LHX6: variants seen among roughly 807,000 people sequenced by gnomAD.
LHX6 encodes LIM homeobox 6.
Under a neutral mutation model 47.1 loss-of-function variants are expected in LHX6, and 15 were observed. That is an observed-to-expected ratio of 0.32 (90% CI 0.21 to 0.49). The LOEUF (loss-of-function observed/expected upper bound fraction) is 0.49, where lower values mean the gene tolerates loss of function less well. Ranked by LOEUF, LHX6 falls within the 20% of genes least tolerant of loss-of-function variation. The pLI is 0.99. For missense variants in LHX6, 404 were observed against 539.6 expected (o/e 0.75, Z 2.49); for synonymous variants, 242 against 233.5 (o/e 1.04, Z -0.33).
intron 9 of LHX6, among the ~76,000 whole-genome samples, chr9:122,207,805 C>T (rs1056451728): frequency 3.3e-5 from 5 of 152,106 alleles, no homozygotes; most frequent in African/African-American, 7.2e-5. Context: ...CCCGGCTGCC[C>T]GTTAGAATCA....
chr9:122,226,337 G>A lies in LHX6; in HGVS notation c.461+39C>T. On this transcript the variant is annotated intron_variant, in intron 4 of 9. Transcript: ENST00000394319. The surrounding 1 kb of genome is among the most constrained non-coding windows in gnomAD (Gnocchi z 6.5). ...TGGCCTCCGAATGCGCCCGGGGCCT[G>A]CCCTCGGCGACACTGCTGGCTCGGC... 6.3e-7 allele frequency: 1 copy of A among 1,591,408 alleles called. No individual in the cohort carries two copies. The highest frequency in any genetic ancestry group is 8.6e-7 in the Non-Finnish European group (1 of 1,167,744).
At chr9:122,218,888 C>T (rs1270566248) in intron 4 of LHX6, among the ~76,000 whole-genome samples, 1 of 152,118 alleles carries the variant, frequency 6.6e-6, no homozygotes, top group African/African-American at 2.4e-5. Context: ...CCCAGAGTCC[C>T]ACGGCACCCT....
In LHX6 at chr9:122,214,530, C is replaced by T; in HGVS notation, c.683-147G>A. ...GGATCCCAGGGTCCTAGTCCCTGAG[C>T]TCAGTCTTTGGGGAAGGGGTTTCTG... On this transcript the variant is annotated intron_variant, in intron 5 of 9. Transcript: ENST00000394319. The surrounding 1 kb of genome is among the most constrained non-coding windows in gnomAD (Gnocchi z 4.6). 8.4e-7 allele frequency: 1 copy of T among 1,190,192 alleles called. No individual in the cohort carries two copies. Among genetic ancestry groups the T allele is most frequent in the Non-Finnish European group, 1.1e-6 (1 of 899,902 alleles). The allele number at this position is 1,190,192 out of a possible 1,614,324, so 73.7% of individuals were successfully genotyped here.
Position 122,226,286 on chromosome 9 carries a change from G to A in LHX6, c.461+90C>T, listed in dbSNP as rs1831093776. ...AGTGCACTCGGGACGCCGGGGTTCTGGAGGAGAGACCACACGCCGCAAAAG... is the reference window on the plus strand; with the variant it reads ...AGTGCACTCGGGACGCCGGGGTTCTAGAGGAGAGACCACACGCCGCAAAAG... On this transcript the variant is annotated intron_variant, in intron 4 of 9. Coordinates refer to ENST00000394319, the MANE Select transcript of LHX6 (RefSeq NM_014368.5). This position sits in a 1 kb window ranked among gnomAD's most constrained non-coding sequence, Gnocchi z 6.5. 1.3e-6 allele frequency: 2 copies of A among 1,484,754 alleles called. No individual in the cohort carries two copies. The highest frequency in any genetic ancestry group is 2.8e-5 in the African/African-American group (2 of 71,212). The allele number at this position is 1,484,754 out of a possible 1,614,324, so 92.0% of individuals were successfully genotyped here.
chr9:122,204,386 T>TG lies in LHX6; in HGVS notation c.*373dup, dbSNP rs1472043227. 4 of 313,438 alleles carry TG rather than the reference T, an allele frequency of 1.3e-5. No individual in the cohort carries two copies. Among genetic ancestry groups the TG allele is most frequent in the Non-Finnish European group, 2.3e-5 (4 of 171,486 alleles). The allele number at this position is 313,438 out of a possible 1,614,324, so 19.4% of individuals were successfully genotyped here. On this transcript the variant is annotated 3_prime_UTR_variant, in exon 10 of 10. Coordinates refer to ENST00000394319, the MANE Select transcript of LHX6 (RefSeq NM_014368.5). ...AGGAAGTAGTAAATAAAGGCCAATG[T>TG]GGGGGAAAAAAACCTGTAAATGAGA...
intron 4 of LHX6, among the ~76,000 whole-genome samples, chr9:122,222,443 G>T (rs1770726934): frequency 6.6e-6 from 1 of 152,182 alleles, no homozygotes. Flanking sequence ...ATCTCAGGGA[G>T]TAAGGGGAGG....
At position 122,227,404 on chromosome 9, in the gene LHX6, C is replaced by T; in HGVS notation, c.156+5G>A. 1 of 1,521,306 alleles carries T rather than the reference C, an allele frequency of 6.6e-7. No individual in the cohort carries two copies. The highest frequency in any genetic ancestry group is 8.8e-7 in the Non-Finnish European group (1 of 1,135,430). The allele number at this position is 1,521,306 out of a possible 1,614,324, so 94.2% of individuals were successfully genotyped here. A position where few individuals can be genotyped will look rare whatever the true frequency, so the allele number is the denominator to read the frequency against. On this transcript the variant is annotated splice_donor_5th_base_variant and intron_variant, in intron 2 of 9. Transcript: ENST00000394319. ...GGCACCGCAGGCAGGGCCAAACGGA[C>T]TCACCATGGCGGGCGGCGCGGTCCC...
chr9:122,209,512 C>T (rs907210873), intron 9 of LHX6, 102 bp downstream of exon 9: 27 of 1,549,884 alleles, frequency 1.7e-5, no homozygotes, highest in African/African-American at 2.7e-5. Context: ...CAGGGTCTGC[C>T]ACAGCGCAGC....
At chr9:122,204,878 C>G in intron 9 of LHX6, 98 bp from the exon 10 acceptor site, 1 of 776,518 alleles carries the variant, frequency 1.3e-6, no homozygotes, top group East Asian at 3.1e-5. Context: ...AGGGTGGACT[C>G]AGGGCCCAGA....
In LHX6 at chr9:122,213,275, C is replaced by T. The variant is rs1439809088; in HGVS notation, c.1054+331G>A. 6.6e-6 allele frequency among the ~76,000 whole-genome samples: 1 copy of T among 152,148 alleles called. No individual in the cohort carries two copies. The highest frequency in any genetic ancestry group is 2.1e-4 in the South Asian group (1 of 4,834). ...TCATCTGCCTATTTTTCCATGCCCA[C>T]CAGAACGCAGGCTCCACAGAGTAGG... is the stretch of plus-strand genomic sequence containing the variant. On this transcript the variant is annotated intron_variant, in intron 8 of 9. Transcript: ENST00000394319. This position sits in a 1 kb window ranked among gnomAD's most constrained non-coding sequence, Gnocchi z 5.5.
At position 122,228,704 on chromosome 9, in the gene LHX6, G is replaced by T; in HGVS notation, c.37C>A (p.Pro13Thr). The part of the protein sequence containing the change: ...WKHENAAPAL[P>T]EGCRLPAEGG... ...TCGGCCGGCAGCCGGCAGCCCTCGG[G>T]CAACGCCGGGGCGGCGTTCTCATGC... The change falls in exon 1 of 10, where the codon CCC becomes ACC. Residue 13 changes from proline (P) to threonine (T), a missense_variant. This residue lies in a region of LHX6 where 144 missense variants were observed against 128.7 expected (regional missense o/e 1.12). Transcript: ENST00000394319. 7.7e-7 allele frequency: 1 copy of T among 1,292,136 alleles called. No individual in the cohort carries two copies. The highest frequency in any genetic ancestry group is 9.8e-7 in the Non-Finnish European group (1 of 1,019,750). The allele number at this position is 1,292,136 out of a possible 1,614,324, so 80.0% of individuals were successfully genotyped here.
chr9:122,227,663 A>G, intron 1 of LHX6, 183 bp from the exon 2 acceptor site: 1 of 1,289,546 alleles, frequency 7.8e-7, no homozygotes, highest in Admixed American at 3.7e-5. Context: ...AGCAATTTGA[A>G]TTTGGATTGG....
chr9:122,224,753 C>A (rs1831020612), intron 4 of LHX6, among the ~76,000 whole-genome samples: 1 of 152,186 alleles, frequency 6.6e-6, no homozygotes, highest in South Asian at 2.1e-4. Flanking sequence ...CATACAGACA[C>A]CCACTCTTGA....
At chr9:122,225,088 C>T (rs545720675) in intron 4 of LHX6, among the ~76,000 whole-genome samples, 6 of 152,216 alleles carry the variant, frequency 3.9e-5, no homozygotes, top group African/African-American at 9.7e-5. Flanking sequence ...CTTTCCAGAT[C>T]GCTGGAGGCT....
Position 122,226,274 on chromosome 9 carries a change from C to T in LHX6, c.461+102G>A, listed in dbSNP as rs1470231565. ...CTGCGCGCCGGAAGTGCACTCGGGA[C>T]GCCGGGGTTCTGGAGGAGAGACCAC... On this transcript the variant is annotated intron_variant, in intron 4 of 9. Coordinates refer to ENST00000394319, the MANE Select transcript of LHX6 (RefSeq NM_014368.5). This position sits in a 1 kb window ranked among gnomAD's most constrained non-coding sequence, Gnocchi z 6.5. The T allele has an allele frequency of 4.9e-6, 7 of 1,431,850 alleles. No individual in the cohort carries two copies. Among genetic ancestry groups the T allele is most frequent in the Non-Finnish European group, 6.5e-6 (7 of 1,071,200 alleles). The allele number at this position is 1,431,850 out of a possible 1,614,324, so 88.7% of individuals were successfully genotyped here.
At chr9:122,210,537 A>T (rs905716001) in intron 8 of LHX6, among the ~76,000 whole-genome samples, 1 of 151,912 alleles carries the variant, frequency 6.6e-6, no homozygotes, top group Non-Finnish European at 1.5e-5. Context: ...TCCCGGCTTT[A>T]TTTCCTTAGC....
At chr9:122,220,478 G>C (rs967962829) in intron 4 of LHX6, among the ~76,000 whole-genome samples, 1 of 152,224 alleles carries the variant, frequency 6.6e-6, no homozygotes, top group Non-Finnish European at 1.5e-5. Context: ...CCGACAGAAC[G>C]ACAGACTCCT....
In LHX6 at chr9:122,226,333, G is replaced by C. The variant is rs1281890355; in HGVS notation, c.461+43C>G. 6.3e-7 allele frequency: 1 copy of C among 1,586,994 alleles called. No homozygotes were observed. The highest frequency in any genetic ancestry group is 1.4e-5 in the African/African-American group (1 of 73,988). ...AAAGTGGCCTCCGAATGCGCCCGGG[G>C]CCTGCCCTCGGCGACACTGCTGGCT... On this transcript the variant is annotated intron_variant, in intron 4 of 9. Transcript: ENST00000394319. This position sits in a 1 kb window ranked among gnomAD's most constrained non-coding sequence, Gnocchi z 6.5.
At chr9:122,222,471 G>A (rs1027989035) in intron 4 of LHX6, among the ~76,000 whole-genome samples, 2 of 152,098 alleles carry the variant, frequency 1.3e-5, no homozygotes, top group East Asian at 1.9e-4. Flanking sequence ...CTGGATAAAC[G>A]CACAAGGGTT....
Sources: allele counts gnomAD v4.1 joint callset (sites outside exome capture counted in the v4.1 genomes callset), GRCh38; gene constraint gnomAD v4.1.1; regional missense constraint gnomAD v4.1.1; non-coding constraint Gnocchi (gnomAD v3.1); transcripts MANE v1.5; gene names NCBI Gene and HGNC (gene_info 2026-07-23, HGNC 2026-07-21).